PHACTR1: variants seen among roughly 807,000 people sequenced by gnomAD.
PHACTR1 encodes phosphatase and actin regulator 1, also known as RPEL repeat containing 1.
A neutral mutation model predicts 69.2 loss-of-function variants in PHACTR1; 16 were observed. The observed-to-expected ratio is 0.23, with a 90% CI of 0.16 to 0.35. PHACTR1 has a LOEUF of 0.35. Among genes scored for constraint, PHACTR1 ranks in the 10% least tolerant of loss-of-function variants. The pLI is 1.00. For synonymous variants in PHACTR1, 312 were observed against 284.5 expected (o/e 1.10, Z -0.97); for missense variants, 510 against 734.7 (o/e 0.69, Z 3.54).
At chr6:12,763,043 G>A (rs550417085) in intron 4 of PHACTR1, among the ~76,000 whole-genome samples, 11 of 152,178 alleles carry the variant, frequency 7.2e-5, no homozygotes, top group Non-Finnish European at 1.5e-4. Flanking sequence ...GAGAAACCCC[G>A]TCTCTACTAA....
chr6:12,937,148 CT>C (rs527961739), intron 4 of PHACTR1, among the ~76,000 whole-genome samples: 156 of 152,258 alleles, frequency 1.0e-3, no homozygotes, highest in African/African-American at 3.5e-3. Flanking sequence ...GATTTCAGGT[CT>C]TTTTTTCTGC....
chr6:13,049,229 G>A (rs80276151), intron 4 of PHACTR1, among the ~76,000 whole-genome samples: 2,869 of 150,520 alleles, frequency 0.019, 33 homozygotes, highest in Middle Eastern at 0.037. Context: ...TTATGGAAAA[G>A]CGTTTCGGTT....
intron 4 of PHACTR1, among the ~76,000 whole-genome samples, chr6:12,955,653 A>C (rs1436102253): frequency 1.3e-5 from 2 of 152,102 alleles, no homozygotes; most frequent in Non-Finnish European, 2.9e-5. Context: ...ACACCTTCCT[A>C]TGTGTCTTTA....
chr6:13,000,889 G>A (rs1263464211), intron 4 of PHACTR1, among the ~76,000 whole-genome samples: 7 of 152,144 alleles, frequency 4.6e-5, no homozygotes, highest in African/African-American at 1.4e-4. Context: ...TTGCAATTTA[G>A]CATCTATTAG....
At chr6:12,904,822 G>A (rs1785555946) in intron 4 of PHACTR1, among the ~76,000 whole-genome samples, 1 of 152,146 alleles carries the variant, frequency 6.6e-6, no homozygotes, top group South Asian at 2.1e-4. Flanking sequence ...TCTCATCGCT[G>A]CTGCTTCTTA....
At chr6:13,232,850 G>C (rs539591319) in intron 10 of PHACTR1, among the ~76,000 whole-genome samples, 1 of 152,206 alleles carries the variant, frequency 6.6e-6, no homozygotes, top group Non-Finnish European at 1.5e-5. Flanking sequence ...AAGAGAAGGA[G>C]CAGATCTTTT....
chr6:13,189,950 T>C (rs962901239), intron 7 of PHACTR1, among the ~76,000 whole-genome samples: 1 of 152,000 alleles, frequency 6.6e-6, no homozygotes, highest in Non-Finnish European at 1.5e-5. Context: ...TTTTGCTGGC[T>C]TGTAGACAGC....
At chr6:13,060,404 TTG>T (rs1270507688) in intron 5 of PHACTR1, among the ~76,000 whole-genome samples, 1 of 151,826 alleles carries the variant, frequency 6.6e-6, no homozygotes, top group African/African-American at 2.4e-5. Flanking sequence ...CTATAGGGGG[TTG>T]TGTGTGTGTC....
chr6:13,191,509 C>T (rs1763593234), intron 7 of PHACTR1, among the ~76,000 whole-genome samples: 1 of 152,204 alleles, frequency 6.6e-6, no homozygotes, highest in Non-Finnish European at 1.5e-5. Context: ...AGACAGAGCA[C>T]TTTAGGACTG....
At chr6:13,218,571 G>A (rs141636935) in intron 8 of PHACTR1, among the ~76,000 whole-genome samples, 1 of 152,142 alleles carries the variant, frequency 6.6e-6, no homozygotes, top group Non-Finnish European at 1.5e-5. Flanking sequence ...GGCCAGGCAC[G>A]GTGGCTCACT....
intron 4 of PHACTR1, among the ~76,000 whole-genome samples, chr6:12,815,121 C>T (rs1775436177): frequency 6.6e-6 from 1 of 152,124 alleles, no homozygotes; most frequent in Non-Finnish European, 1.5e-5. Flanking sequence ...AGAAACACCC[C>T]CATGCCATAA....
At chr6:13,000,811 T>C (rs1239563486) in intron 4 of PHACTR1, among the ~76,000 whole-genome samples, 2 of 152,196 alleles carry the variant, frequency 1.3e-5, no homozygotes, top group Non-Finnish European at 2.9e-5. Flanking sequence ...CACTTCAATC[T>C]AGAGTGTCAT....
At chr6:13,095,524 GA>G (rs539361751) in intron 5 of PHACTR1, among the ~76,000 whole-genome samples, 8 of 148,170 alleles carry the variant, frequency 5.4e-5, no homozygotes, top group South Asian at 2.1e-4. Context: ...GTTTTAACCA[GA>G]AAAAAAAAAT....
chr6:12,798,426 G>T (rs998848684), intron 4 of PHACTR1, among the ~76,000 whole-genome samples: 22 of 152,148 alleles, frequency 1.4e-4, no homozygotes, highest in African/African-American at 5.3e-4. Flanking sequence ...AGTGATTTAA[G>T]ATTTCAAGGG....
At chr6:12,939,052 T>C (rs1471688195) in intron 4 of PHACTR1, among the ~76,000 whole-genome samples, 1 of 152,248 alleles carries the variant, frequency 6.6e-6, no homozygotes, top group Non-Finnish European at 1.5e-5. Flanking sequence ...CCCATACTCT[T>C]AATTATTACA....
At chr6:12,809,943 C>T (rs552069470) in intron 4 of PHACTR1, among the ~76,000 whole-genome samples, 1 of 152,218 alleles carries the variant, frequency 6.6e-6, no homozygotes, top group East Asian at 1.9e-4. Flanking sequence ...AGTCTAAGGC[C>T]TCATACTCAA....
At chr6:12,963,265 C>T (rs944114516) in intron 4 of PHACTR1, among the ~76,000 whole-genome samples, 7 of 152,156 alleles carry the variant, frequency 4.6e-5, no homozygotes, top group African/African-American at 7.2e-5. Context: ...TGCAGGCGCC[C>T]ACAGATGAGG....
At chr6:13,095,749 C>CTTTTTTT (rs140109520) in intron 5 of PHACTR1, among the ~76,000 whole-genome samples, 33 of 77,246 alleles carry the variant, frequency 4.3e-4, no homozygotes, top group Admixed American at 8.7e-4. Context: ...TTGTGAAGGG[C>CTTTTTTT]TTTTTTTTTT....
Position 13,283,325 on chromosome 6 carries a change from T to A in PHACTR1, c.1510-97T>A. On this transcript the variant is annotated intron_variant, in intron 12 of 14. Transcript: ENST00000332995. The surrounding 1 kb of genome is among the most constrained non-coding windows in gnomAD (Gnocchi z 4.7). ...CTATGCGATGCATCCATCGCCTCAC[T>A]GAACCTTATTTTCCACACCTGCAAG... is the stretch of plus-strand genomic sequence containing the variant. The A allele has an allele frequency of 8.5e-7, 1 of 1,174,644 alleles. No individual in the cohort carries two copies. Among genetic ancestry groups the A allele is most frequent in the Non-Finnish European group, 1.1e-6 (1 of 879,468 alleles). 72.8% of individuals were successfully genotyped at this position (1,174,644 alleles called of 1,614,324 possible). A position where few individuals can be genotyped will look rare whatever the true frequency, so the allele number is the denominator to read the frequency against.
Sources: allele counts gnomAD v4.1 joint callset (sites outside exome capture counted in the v4.1 genomes callset), GRCh38; gene constraint gnomAD v4.1.1; non-coding constraint Gnocchi (gnomAD v3.1); transcripts MANE v1.5; gene names NCBI Gene and HGNC (gene_info 2026-07-23, HGNC 2026-07-21).